GSTO2: variants seen among roughly 807,000 people sequenced by gnomAD.
GSTO2 encodes glutathione S-transferase omega-2.
A neutral mutation model predicts 28.4 loss-of-function variants in GSTO2; 23 were observed. That is an observed-to-expected ratio of 0.81 (90% CI 0.58 to 1.15). GSTO2 has a LOEUF of 1.15. Among genes scored for constraint, GSTO2 ranks in the 50% most tolerant of loss-of-function variants. GSTO2 has a pLI of 0.00. For missense variants in GSTO2, 298 were observed against 297.8 expected (o/e 1.00, Z 0.00); for synonymous variants, 109 against 111.0 (o/e 0.98, Z 0.11).
chr10:104,297,796 T>C, intron 6 of GSTO2, 112 bp downstream of exon 6: 2 of 710,310 alleles, frequency 2.8e-6, no homozygotes, highest in South Asian at 3.5e-5. Context: ...GTGAAGTGAA[T>C]CAGGTTTCTA....
chr10:104,292,212 T>G (rs948560717), intron 5 of GSTO2, among the ~76,000 whole-genome samples: 47 of 151,966 alleles, frequency 3.1e-4, no homozygotes, highest in African/African-American at 1.1e-3. Context: ...TTTTTTTTTT[T>G]TTTTTGTCTT....
chr10:104,285,267 ATT>A (rs1344707629), intron 5 of GSTO2, among the ~76,000 whole-genome samples: 1 of 151,822 alleles, frequency 6.6e-6, no homozygotes, highest in Non-Finnish European at 1.5e-5. Context: ...TAATTATTTT[ATT>A]TTCTTTTCCT....
At chr10:104,275,091 C>T (rs923193687) in intron 2 of GSTO2, 135 bp from the exon 3 acceptor site, 4 of 1,510,220 alleles carry the variant, frequency 2.6e-6, no homozygotes, top group Middle Eastern at 2.0e-4. Flanking sequence ...AAGCCACATG[C>T]AGCACTGCCC....
At chr10:104,293,923 C>A (rs777150615) in intron 5 of GSTO2, among the ~76,000 whole-genome samples, 1 of 152,146 alleles carries the variant, frequency 6.6e-6, no homozygotes, top group Non-Finnish European at 1.5e-5. Flanking sequence ...AGTTCCAGTG[C>A]AAACCGGAGA....
At position 104,299,326 on chromosome 10, in the gene GSTO2, T is replaced by C. The variant is rs1225843283; in HGVS notation, c.*42T>C. ...CTTCGCTGTCCAGAATTCCCCAGCT[T>C]GTTGGGAGTCTACGTCACGGCTTGT... On this transcript the variant is annotated 3_prime_UTR_variant, in exon 7 of 7. Transcript: ENST00000338595. 2 of 1,608,976 alleles carry C rather than the reference T, an allele frequency of 1.2e-6. No homozygotes were observed. Among genetic ancestry groups the C allele is most frequent in the Non-Finnish European group, 1.7e-6 (2 of 1,176,984 alleles).
rs758416855 is a variant in GSTO2 at position 104,279,337 on chromosome 10, CTT to C, written c.367-32_367-31del. The C allele has an allele frequency of 1.9e-6, 3 of 1,558,320 alleles. No homozygotes were observed. In the East Asian group the frequency reaches 6.7e-5, roughly 35 times the overall value. On this transcript the variant is annotated intron_variant, in intron 4 of 6. Transcript: ENST00000338595. ...AACAGGAACTGGAAGTTTCCACAGA[CTT>C]CTCCACTGAGAACCTGTGTCCTCTG... is the stretch of plus-strand genomic sequence containing the variant.
Position 104,300,741 on chromosome 10 carries a change from C to T in GSTO2, c.*1457C>T, listed in dbSNP as rs921112288. 2 of 152,346 alleles carry T rather than the reference C, an allele frequency of 1.3e-5. No individual in the cohort carries two copies. Among genetic ancestry groups the T allele is most frequent in the Non-Finnish European group, 2.9e-5 (2 of 68,124 alleles). 9.4% of individuals were successfully genotyped at this position (152,346 alleles called of 1,614,324 possible). On this transcript the variant is annotated 3_prime_UTR_variant, in exon 7 of 7. Coordinates refer to ENST00000338595, the MANE Select transcript of GSTO2 (RefSeq NM_183239.2). ...GCTGGATCCTTTCCCATCCTCCTAG[C>T]TGTGCTGAGACACCAGGCAGCAACA...
chr10:104,285,740 T>A (rs2012385352), intron 5 of GSTO2, among the ~76,000 whole-genome samples: 1 of 152,204 alleles, frequency 6.6e-6, no homozygotes, highest in African/African-American at 2.4e-5. Context: ...AGTGCTATGA[T>A]TACAGGCATG....
intron 5 of GSTO2, among the ~76,000 whole-genome samples, chr10:104,280,541 A>G (rs2011976152): frequency 6.6e-6 from 1 of 152,160 alleles, no homozygotes; most frequent in African/African-American, 2.4e-5. Context: ...TAGCTGGGAT[A>G]CCCTGAATAA....
chr10:104,281,136 G>A (rs1186052987), intron 5 of GSTO2, among the ~76,000 whole-genome samples: 1 of 152,234 alleles, frequency 6.6e-6, no homozygotes. Flanking sequence ...TCTGGGTTCT[G>A]CAGGGGACTG....
chr10:104,269,449 C>T (rs564106369), intron 1 of GSTO2, among the ~76,000 whole-genome samples, 180 bp downstream of exon 1: 1 of 152,346 alleles, frequency 6.6e-6, no homozygotes, highest in South Asian at 2.1e-4. Context: ...AATTTCACAT[C>T]CAACAAAGTG....
intron 5 of GSTO2, among the ~76,000 whole-genome samples, chr10:104,289,418 C>T (rs1000827858): frequency 1.3e-5 from 2 of 152,082 alleles, no homozygotes; most frequent in African/African-American, 2.4e-5. Flanking sequence ...TTTGAAGATA[C>T]GAATTAAGCT....
chr10:104,293,125 CCTCT>C (rs1472270746), intron 5 of GSTO2, among the ~76,000 whole-genome samples: 2 of 152,140 alleles, frequency 1.3e-5, no homozygotes, highest in Non-Finnish European at 2.9e-5. Context: ...ATGTCTCATC[CCTCT>C]GTCAGTTGCT....
intron 2 of GSTO2, 116 bp downstream of exon 2, chr10:104,275,065 G>A: frequency 6.7e-7 from 1 of 1,491,838 alleles, no homozygotes; most frequent in African/African-American, 1.4e-5. Context: ...GGGACTTGGA[G>A]GGCTCTCCTG....
Position 104,299,346 on chromosome 10 carries a change from G to A in GSTO2, c.*62G>A, listed in dbSNP as rs889958671. On this transcript the variant is annotated 3_prime_UTR_variant, in exon 7 of 7. Coordinates refer to ENST00000338595, the MANE Select transcript of GSTO2 (RefSeq NM_183239.2). ...CAGCTTGTTGGGAGTCTACGTCACG[G>A]CTTGTCTTGGGAACCAATCCGTCTC... 5 of 1,568,808 alleles carry A rather than the reference G, an allele frequency of 3.2e-6. No homozygotes were observed. Among genetic ancestry groups the A allele is most frequent in the Non-Finnish European group, 4.3e-6 (5 of 1,150,210 alleles).
intron 5 of GSTO2, among the ~76,000 whole-genome samples, chr10:104,282,915 G>A (rs1387551265): frequency 9.9e-5 from 15 of 152,220 alleles, no homozygotes; most frequent in Non-Finnish European, 1.8e-4. Flanking sequence ...TTATGGGCTA[G>A]GAGCTTTCAC....
intron 5 of GSTO2, among the ~76,000 whole-genome samples, chr10:104,291,014 A>T (rs1489749768): frequency 1.3e-5 from 2 of 152,158 alleles, no homozygotes; most frequent in Non-Finnish European, 2.9e-5. Flanking sequence ...AAATATATAC[A>T]CCTACTATGT....
Position 104,299,134 on chromosome 10 carries a change from G to C in GSTO2, c.582G>C (p.Val194=). Residue 194 remains valine (V), a synonymous_variant, in exon 7 of 7, where the codon GTG becomes GTC. Coordinates refer to ENST00000338595, the MANE Select transcript of GSTO2 (RefSeq NM_183239.2). ...CTTCTTTCCTGTCTTGCAGCTGTGT[G>C]AGCCACACGCCAGCCCTGCGGCTCT... ...RLDVYGILDC[V]SHTPALRLWI... 6.2e-7 allele frequency: 1 copy of C among 1,613,646 alleles called. No homozygotes were observed. Among genetic ancestry groups the C allele is most frequent in the Non-Finnish European group, 8.5e-7 (1 of 1,179,782 alleles).
intron 1 of GSTO2, among the ~76,000 whole-genome samples, chr10:104,272,670 G>C (rs981916182): frequency 2.3e-5 from 3 of 131,042 alleles, no homozygotes; most frequent in Non-Finnish European, 4.6e-5. Flanking sequence ...CTGGAGTGCA[G>C]TGGCGCAGTC....
Sources: allele counts gnomAD v4.1 joint callset (sites outside exome capture counted in the v4.1 genomes callset), GRCh38; gene constraint gnomAD v4.1.1; transcripts MANE v1.5; gene names NCBI Gene and HGNC (gene_info 2026-07-23, HGNC 2026-07-21).